ENTREP2: variants seen among roughly 807,000 people sequenced by gnomAD.
The protein encoded by ENTREP2 is protein ENTREP2.
At chr15:29,491,042 C>T in the ENTREP2 span, among the ~76,000 whole-genome samples, 3 of 152,182 alleles carry the variant, frequency 2.0e-5, no homozygotes, top group African/African-American at 2.4e-5. Context: ...GCTGAGGCCC[C>T]GCGAGAATTC....
chr15:29,135,692 C>A, the ENTREP2 span, among the ~76,000 whole-genome samples: 1 of 152,184 alleles, frequency 6.6e-6, no homozygotes, highest in Non-Finnish European at 1.5e-5. The surrounding 1 kb of genome is among the most constrained non-coding windows in gnomAD (Gnocchi z 7.4). Flanking sequence ...TGAGGCTCCA[C>A]GAACATACTG....
At chr15:29,356,431 G>A in the ENTREP2 span, among the ~76,000 whole-genome samples, 27 of 145,130 alleles carry the variant, frequency 1.9e-4, no homozygotes, top group East Asian at 5.5e-3. Flanking sequence ...CTCGCCTCCC[G>A]AGTAGCTGGG....
At chr15:29,133,570 C>T in the ENTREP2 span, among the ~76,000 whole-genome samples, 2 of 152,196 alleles carry the variant, frequency 1.3e-5, no homozygotes, top group African/African-American at 2.4e-5. Context: ...TGGTGCGCCA[C>T]GTGGCCCTGG....
the ENTREP2 span, among the ~76,000 whole-genome samples, chr15:29,187,613 T>C: frequency 6.6e-6 from 1 of 152,202 alleles, no homozygotes; most frequent in East Asian, 1.9e-4. Context: ...CCCAGTAGAC[T>C]TGGAGGGCAG....
At chr15:29,342,195 G>A in the ENTREP2 span, among the ~76,000 whole-genome samples, 12 of 152,330 alleles carry the variant, frequency 7.9e-5, no homozygotes, top group East Asian at 2.1e-3. Flanking sequence ...TGGCGATGAG[G>A]GGACGGACTG....
At chr15:29,301,843 T>G in the ENTREP2 span, among the ~76,000 whole-genome samples, 1 of 152,184 alleles carries the variant, frequency 6.6e-6, no homozygotes, top group Non-Finnish European at 1.5e-5. Context: ...CCTTCCACCA[T>G]GTGAGGACAC....
the ENTREP2 span, among the ~76,000 whole-genome samples, chr15:29,467,742 T>C: frequency 1.7e-3 from 262 of 152,198 alleles, no homozygotes; most frequent in Admixed American, 3.4e-3. Context: ...AGACCATCTA[T>C]GGCCAGGCAC....
chr15:29,170,159 T>A, the ENTREP2 span, among the ~76,000 whole-genome samples: 2 of 151,500 alleles, frequency 1.3e-5, no homozygotes, highest in Non-Finnish European at 2.9e-5. Flanking sequence ...ATAAAAAAAA[T>A]TAGCCAGGCG....
At chr15:29,330,300 T>G in the ENTREP2 span, among the ~76,000 whole-genome samples, 2 of 150,488 alleles carry the variant, frequency 1.3e-5, no homozygotes, top group South Asian at 4.2e-4. Flanking sequence ...AAAAAAAAAT[T>G]CAGCCAGGAG....
At chr15:29,420,831 T>C in the ENTREP2 span, among the ~76,000 whole-genome samples, 1 of 152,180 alleles carries the variant, frequency 6.6e-6, no homozygotes, top group Non-Finnish European at 1.5e-5. Context: ...GTCTGTGCTG[T>C]GGACTGACCA....
the ENTREP2 span, among the ~76,000 whole-genome samples, chr15:29,132,436 C>T: frequency 1.3e-5 from 2 of 152,198 alleles, no homozygotes; most frequent in Non-Finnish European, 2.9e-5. Flanking sequence ...AGATGCTGCC[C>T]TGCTGCCAGG....
At chr15:29,189,540 T>C in the ENTREP2 span, among the ~76,000 whole-genome samples, 1 of 152,156 alleles carries the variant, frequency 6.6e-6, no homozygotes, top group Non-Finnish European at 1.5e-5. Context: ...CTCTGGGTAA[T>C]TTGGTTTATT....
chr15:29,454,953 C>G, the ENTREP2 span, among the ~76,000 whole-genome samples: 2 of 152,192 alleles, frequency 1.3e-5, no homozygotes, highest in South Asian at 4.1e-4. Flanking sequence ...TGTGGCAGAT[C>G]ACACAAAAAA....
chr15:29,442,714 G>A, the ENTREP2 span, among the ~76,000 whole-genome samples: 1 of 152,124 alleles, frequency 6.6e-6, no homozygotes, highest in Non-Finnish European at 1.5e-5. Context: ...GAGGGTCCCC[G>A]TGCCCCCCGA....
the ENTREP2 span, among the ~76,000 whole-genome samples, chr15:29,431,599 T>C: frequency 6.6e-6 from 1 of 152,190 alleles, no homozygotes; most frequent in Admixed American, 6.5e-5. Flanking sequence ...TAACCATTTT[T>C]CTTAAAATTA....
the ENTREP2 span, among the ~76,000 whole-genome samples, chr15:29,365,699 GGCTGCTCT>G: frequency 6.6e-6 from 1 of 151,630 alleles, no homozygotes; most frequent in Non-Finnish European, 1.5e-5. Context: ...TATTTCTGAA[GGCTGCTCT>G]GATTTGTCTT....
At chr15:29,400,981 C>A in the ENTREP2 span, among the ~76,000 whole-genome samples, 1 of 152,226 alleles carries the variant, frequency 6.6e-6, no homozygotes. Flanking sequence ...CTACGTGCTA[C>A]CTCTTGCCCT....
At chr15:29,329,294 C>T in the ENTREP2 span, among the ~76,000 whole-genome samples, 7 of 150,210 alleles carry the variant, frequency 4.7e-5, no homozygotes, top group South Asian at 2.1e-4. Flanking sequence ...ACCCAGGAGG[C>T]GGAGGTTGCA....
the ENTREP2 span, among the ~76,000 whole-genome samples, chr15:29,659,469 T>G: frequency 6.6e-6 from 1 of 151,844 alleles, no homozygotes; most frequent in African/African-American, 2.4e-5. Flanking sequence ...AGACTCCATC[T>G]CAAAAAAATA....
Sources: allele counts gnomAD v4.1 joint callset (sites outside exome capture counted in the v4.1 genomes callset), GRCh38; gene constraint gnomAD v4.1.1; non-coding constraint Gnocchi (gnomAD v3.1); transcripts MANE v1.5; gene names NCBI Gene and HGNC (gene_info 2026-07-23, HGNC 2026-07-21).